The following AUTS2 variants were observed in gnomAD, a reference collection of about 807,000 sequenced individuals.
AUTS2 encodes autism susceptibility gene 2 protein.
Under a neutral mutation model 112.4 loss-of-function variants are expected in AUTS2, and 17 were observed. That is an observed-to-expected ratio of 0.15 (90% CI 0.10 to 0.23). The LOEUF (loss-of-function observed/expected upper bound fraction) is 0.23, where lower values mean the gene tolerates loss of function less well. AUTS2 is among the 10% of genes least tolerant of loss of function. AUTS2 has a pLI of 1.00. For synonymous variants in AUTS2, 751 were observed against 702.7 expected (o/e 1.07, Z -1.09); for missense variants, 1,510 against 1,701.6 (o/e 0.89, Z 1.98).
chr7:69,633,150 A>G (rs1794347731), intron 1 of AUTS2, among the ~76,000 whole-genome samples: 1 of 152,134 alleles, frequency 6.6e-6, no homozygotes, highest in African/African-American at 2.4e-5. Context: ...ATTTGAAAAA[A>G]ATTTTTAAGA....
chr7:70,500,688 T>C (rs1246046698), intron 5 of AUTS2, among the ~76,000 whole-genome samples: 1 of 152,036 alleles, frequency 6.6e-6, no homozygotes, highest in Non-Finnish European at 1.5e-5. Context: ...TCTAGCACCT[T>C]CTCCAGGCAC....
intron 1 of AUTS2, among the ~76,000 whole-genome samples, chr7:69,676,687 A>G (rs1796578649): frequency 6.6e-6 from 1 of 152,220 alleles, no homozygotes; most frequent in Admixed American, 6.5e-5. Context: ...AAAACTGAAA[A>G]TAAACGATGA....
At chr7:70,327,356 A>G (rs1790538263) in intron 4 of AUTS2, among the ~76,000 whole-genome samples, 1 of 152,218 alleles carries the variant, frequency 6.6e-6, no homozygotes, top group African/African-American at 2.4e-5. Flanking sequence ...GAGTAACCCC[A>G]GGAGCAGGTC....
At chr7:70,759,405 C>T (rs1789417017) in intron 6 of AUTS2, among the ~76,000 whole-genome samples, 3 of 152,174 alleles carry the variant, frequency 2.0e-5, no homozygotes. Flanking sequence ...CCTAGAAGAT[C>T]CTCAGAAAGG....
chr7:70,774,194 T>G (rs1790542363), intron 12 of AUTS2, 95 bp downstream of exon 12: 3 of 1,119,492 alleles, frequency 2.7e-6, no homozygotes, highest in Non-Finnish European at 4.0e-6. Context: ...CTTAGCTCCT[T>G]TGAGCGAGCT....
At chr7:70,096,077 G>A (rs1421438238) in intron 2 of AUTS2, among the ~76,000 whole-genome samples, 1 of 152,010 alleles carries the variant, frequency 6.6e-6, no homozygotes, top group Non-Finnish European at 1.5e-5. Flanking sequence ...GTGGGAAATG[G>A]GATTTGTCAA....
intron 2 of AUTS2, among the ~76,000 whole-genome samples, chr7:69,937,343 C>T (rs745958997): frequency 7.2e-5 from 11 of 152,142 alleles, no homozygotes; most frequent in African/African-American, 1.7e-4. Context: ...TTCCTGCCGT[C>T]GGAAACCAAA....
intron 5 of AUTS2, among the ~76,000 whole-genome samples, chr7:70,598,917 C>T (rs1016956791): frequency 1.3e-5 from 2 of 152,124 alleles, no homozygotes; most frequent in African/African-American, 4.8e-5. Flanking sequence ...AACAGATTTC[C>T]AAACTCTTTA....
intron 4 of AUTS2, among the ~76,000 whole-genome samples, chr7:70,214,883 T>G (rs1349141888): frequency 6.6e-6 from 1 of 152,270 alleles, no homozygotes; most frequent in Non-Finnish European, 1.5e-5. Flanking sequence ...TTGTAGCTTA[T>G]TTTTTGAATC....
intron 4 of AUTS2, among the ~76,000 whole-genome samples, chr7:70,150,207 A>G (rs1807354209): frequency 6.6e-6 from 1 of 152,142 alleles, no homozygotes; most frequent in Non-Finnish European, 1.5e-5. Flanking sequence ...TTTTAGGAAT[A>G]TTTAGTATAT....
intron 4 of AUTS2, among the ~76,000 whole-genome samples, chr7:70,408,672 G>A (rs1428663736): frequency 6.6e-6 from 1 of 152,166 alleles, no homozygotes; most frequent in Non-Finnish European, 1.5e-5. Context: ...CAGTCAGCAG[G>A]GAGCTGCTTG....
At chr7:70,013,600 A>G (rs1799898794) in intron 2 of AUTS2, among the ~76,000 whole-genome samples, 1 of 152,218 alleles carries the variant, frequency 6.6e-6, no homozygotes, top group Non-Finnish European at 1.5e-5. Context: ...GATGAAATGG[A>G]GGAGTTTTTA....
chr7:69,751,790 C>T (rs372739265), intron 1 of AUTS2, among the ~76,000 whole-genome samples: 9 of 152,124 alleles, frequency 5.9e-5, no homozygotes, highest in African/African-American at 1.7e-4. Flanking sequence ...GGGTTGTAAT[C>T]CTTTCTCTAC....
chr7:70,318,666 A>T (rs1305032690), intron 4 of AUTS2, among the ~76,000 whole-genome samples: 1 of 152,248 alleles, frequency 6.6e-6, no homozygotes, highest in Non-Finnish European at 1.5e-5. Flanking sequence ...TTGAGACCAC[A>T]TGAATCAAGG....
chr7:70,268,631 T>G (rs938548761), intron 4 of AUTS2, among the ~76,000 whole-genome samples: 1 of 152,222 alleles, frequency 6.6e-6, no homozygotes, highest in Non-Finnish European at 1.5e-5. Context: ...CATTATAGCC[T>G]CCCCTTTGGG....
At chr7:70,117,122 T>G (rs13227013) in intron 2 of AUTS2, among the ~76,000 whole-genome samples, 9,926 of 133,008 alleles carry the variant, frequency 0.075, 456 homozygotes, top group African/African-American at 0.12. Flanking sequence ...TTTTTGTTTT[T>G]TTTTGTTTTT....
intron 1 of AUTS2, among the ~76,000 whole-genome samples, chr7:69,733,440 T>C (rs1004449052): frequency 8.5e-5 from 13 of 152,154 alleles, no homozygotes; most frequent in African/African-American, 2.9e-4. Flanking sequence ...ATTTTGGACA[T>C]ATTCCATGAG....
chr7:69,760,326 C>T (rs1002118805), intron 1 of AUTS2, among the ~76,000 whole-genome samples: 28 of 151,066 alleles, frequency 1.9e-4, no homozygotes, highest in Non-Finnish European at 7.4e-5. Context: ...TGAGTCATCG[C>T]ACCTGGCCTC....
intron 4 of AUTS2, among the ~76,000 whole-genome samples, chr7:70,351,506 G>A (rs1325517363): frequency 1.3e-5 from 2 of 152,150 alleles, no homozygotes; most frequent in African/African-American, 4.8e-5. Context: ...GGGGGTGCAG[G>A]TATCTCTTCA....
Sources: gnomAD v4.1 joint callset for allele counts (sites outside exome capture counted in the v4.1 genomes callset) on GRCh38, gnomAD v4.1.1 for gene constraint, MANE v1.5 for transcripts, NCBI Gene and HGNC (gene_info 2026-07-23, HGNC 2026-07-21) for gene names.